Variants in PTPRG observed in about 807,000 individuals in gnomAD.
PTPRG encodes the protein protein tyrosine phosphatase receptor type G.
Under a neutral mutation model 165.3 loss-of-function variants are expected in PTPRG, and 102 were observed. The observed-to-expected ratio is 0.62, with a 90% confidence interval of 0.53 to 0.73. The LOEUF (loss-of-function observed/expected upper bound fraction) is 0.73. Among genes scored for constraint, PTPRG ranks in the 30% least tolerant of loss-of-function variants. The pLI is 0.00. For synonymous variants in PTPRG, 675 were observed against 669.5 expected, an observed-to-expected ratio of 1.01 and a Z score of -0.13; for missense variants, 1,866 against 1,861.4, an observed-to-expected ratio of 1.00 and a Z score of -0.05.
intron 2 of PTPRG, among the ~76,000 whole-genome samples, chr3:61,869,706 G>A (rs2037510519): frequency 6.6e-6 from 1 of 152,012 alleles, no homozygotes; most frequent in African/African-American, 2.4e-5. Context: ...AGCCTCCCGA[G>A]TATCTGGGAC....
At chr3:62,091,491 ATGG>A (rs1266275704) in intron 5 of PTPRG, among the ~76,000 whole-genome samples, 1 of 152,180 alleles carries the variant, frequency 6.6e-6, no homozygotes, top group Non-Finnish European at 1.5e-5. Flanking sequence ...ATGCCTCCAG[ATGG>A]TGGTGAGGCC....
intron 2 of PTPRG, among the ~76,000 whole-genome samples, chr3:61,774,567 A>G (rs190639339): frequency 9.2e-5 from 14 of 152,204 alleles, no homozygotes; most frequent in African/African-American, 2.7e-4. Flanking sequence ...GTTGGATGCA[A>G]ATTTCAAGTC....
At chr3:61,931,065 G>C (rs769833852) in intron 2 of PTPRG, among the ~76,000 whole-genome samples, 1 of 152,112 alleles carries the variant, frequency 6.6e-6, no homozygotes, top group Non-Finnish European at 1.5e-5. Flanking sequence ...CTAATTCATT[G>C]CTTAGAAGGG....
intron 2 of PTPRG, among the ~76,000 whole-genome samples, chr3:61,854,654 C>G (rs906339353): frequency 2.0e-5 from 3 of 152,114 alleles, no homozygotes; most frequent in Non-Finnish European, 2.9e-5. Flanking sequence ...TGCTAGTGGA[C>G]TAGATATAGA....
At chr3:61,916,273 G>T (rs188257496) in intron 2 of PTPRG, among the ~76,000 whole-genome samples, 4 of 152,154 alleles carry the variant, frequency 2.6e-5, no homozygotes, top group Admixed American at 6.5e-5. Context: ...GTGTGTGTGT[G>T]TATAGAGCTA....
intron 2 of PTPRG, among the ~76,000 whole-genome samples, chr3:61,877,462 G>T (rs1043753830): frequency 4.6e-5 from 7 of 152,154 alleles, no homozygotes; most frequent in Non-Finnish European, 1.0e-4. Flanking sequence ...GTGCCTACAT[G>T]TGGTTGTTGT....
intron 1 of PTPRG, among the ~76,000 whole-genome samples, chr3:61,603,433 C>T (rs889546471): frequency 2.6e-5 from 4 of 152,166 alleles, no homozygotes; most frequent in Non-Finnish European, 5.9e-5. Flanking sequence ...ATTGAAAGCT[C>T]CTTGAGGCTT....
intron 2 of PTPRG, among the ~76,000 whole-genome samples, chr3:61,989,100 C>G (rs1054785169): frequency 6.6e-6 from 1 of 152,158 alleles, no homozygotes; most frequent in Admixed American, 6.5e-5. Flanking sequence ...AAATCTTTCA[C>G]AATTAGCCAA....
chr3:61,814,264 C>A (rs1325464722), intron 2 of PTPRG, among the ~76,000 whole-genome samples: 1 of 152,206 alleles, frequency 6.6e-6, no homozygotes, highest in Admixed American at 6.5e-5. Flanking sequence ...TCTAAACTCA[C>A]ATCCCTAACA....
intron 8 of PTPRG, among the ~76,000 whole-genome samples, chr3:62,187,356 A>G (rs1699688992): frequency 6.6e-6 from 1 of 152,222 alleles, no homozygotes; most frequent in African/African-American, 2.4e-5. Context: ...GCAATCTGGG[A>G]TCAGCACTGA....
Position 61,621,033 on chromosome 3 carries a change from G to GTATA in PTPRG, c.85+58677_85+58680dup, listed in dbSNP as rs368012442. On this transcript the variant is annotated intron_variant, in intron 1 of 29. Transcript: ENST00000474889. ...TGGACCCATGCCCCAGTGTGTGTGT[G>GTATA]TATATATATATATATATATGTGTGT... Among the ~76,000 whole-genome samples the GTATA allele has an allele frequency of 6.4e-3, 829 of 130,050 alleles. 16 individuals carry two copies. The highest frequency in any genetic ancestry group is 9.5e-3 in the Non-Finnish European group (579 of 60,692). 85.3% of individuals were successfully genotyped at this position (130,050 alleles called of 152,430 possible). A position where few individuals can be genotyped will look rare whatever the true frequency, so the allele number is the denominator to read the frequency against.
At chr3:61,593,569 A>C (rs1054847997) in intron 1 of PTPRG, among the ~76,000 whole-genome samples, 45 of 152,148 alleles carry the variant, frequency 3.0e-4, no homozygotes, top group Admixed American at 1.4e-3. Context: ...ACTGGGTTTC[A>C]AAAATTGGAG....
intron 1 of PTPRG, among the ~76,000 whole-genome samples, chr3:61,581,993 A>G (rs9814105): frequency 0.73 from 111,087 of 151,712 alleles, 42,031 homozygotes; most frequent in African/African-American, 0.91. Context: ...TTTGAGACAG[A>G]GTCTTGCTCT....
intron 1 of PTPRG, among the ~76,000 whole-genome samples, chr3:61,631,097 A>G (rs147033520): frequency 0.016 from 2,426 of 152,014 alleles, 44 homozygotes; most frequent in African/African-American, 0.054. Context: ...TTTTTTAAAG[A>G]CAAATGAAAA....
chr3:62,191,684 A>G lies in PTPRG; in HGVS notation c.1218+31A>G, dbSNP rs763289716. The G allele has an allele frequency of 3.7e-6, 6 of 1,600,458 alleles. No homozygotes were observed. The South Asian group carries it at 6.7e-5, about 18-fold the overall frequency. ...AAGCCCCTCCTCTGATTCAGGGTAC[A>G]TGCTGCAGAGAGGGACTCCTGCTGC... is the stretch of plus-strand genomic sequence containing the variant. On this transcript the variant is annotated intron_variant, in intron 9 of 29. Coordinates refer to ENST00000474889, the MANE Select transcript of PTPRG (RefSeq NM_002841.4).
At chr3:62,080,983 C>A (rs959429702) in intron 5 of PTPRG, among the ~76,000 whole-genome samples, 1 of 152,178 alleles carries the variant, frequency 6.6e-6, no homozygotes, top group South Asian at 2.1e-4. Flanking sequence ...AGAGGCCGGG[C>A]GCGGTGGCTC....
At chr3:62,218,205 G>T (rs1700560098) in intron 12 of PTPRG, among the ~76,000 whole-genome samples, 1 of 152,198 alleles carries the variant, frequency 6.6e-6, no homozygotes, top group Admixed American at 6.5e-5. Context: ...AGATGTCATT[G>T]TCCTGGCTTG....
At chr3:61,668,016 A>G (rs1702856735) in intron 1 of PTPRG, among the ~76,000 whole-genome samples, 2 of 152,178 alleles carry the variant, frequency 1.3e-5, no homozygotes, top group South Asian at 4.1e-4. Context: ...CTTATTGTCT[A>G]TGGCTGTTTT....
intron 5 of PTPRG, among the ~76,000 whole-genome samples, chr3:62,096,136 T>C (rs1195854206): frequency 3.3e-5 from 5 of 151,820 alleles, no homozygotes; most frequent in Non-Finnish European, 2.9e-5. Flanking sequence ...AGAGGAGAGA[T>C]GGTGGTAGCT....
Sources: gnomAD v4.1 joint callset for allele counts (sites outside exome capture counted in the v4.1 genomes callset) on GRCh38, gnomAD v4.1.1 for gene constraint, MANE v1.5 for transcripts, NCBI Gene and HGNC (gene_info 2026-07-23, HGNC 2026-07-21) for gene names.